The following RELN variants were observed in gnomAD, a reference collection of about 807,000 sequenced individuals.
RELN encodes the protein reelin.
A neutral mutation model predicts 427.6 loss-of-function variants in RELN; 108 were observed. The ratio of observed to expected loss-of-function variants is 0.25; its 90% CI spans 0.22 to 0.30. The LOEUF (loss-of-function observed/expected upper bound fraction) is 0.30, where lower values mean the gene tolerates loss of function less well. RELN is among the 10% of genes least tolerant of loss of function. The pLI, the probability that RELN is intolerant of heterozygous loss-of-function variation, is 1.00. For synonymous variants in RELN, 1,524 were observed against 1,513.4 expected (o/e 1.01, Z -0.16); for missense variants, 3,715 against 4,302.8 (o/e 0.86, Z 3.82).
intron 11 of RELN, among the ~76,000 whole-genome samples, chr7:103,662,848 A>G (rs1025742767): frequency 1.3e-5 from 2 of 152,098 alleles, no homozygotes; most frequent in Admixed American, 6.5e-5. Flanking sequence ...CCTTTGTTTA[A>G]AGTCTTTCAG....
At chr7:103,556,706 A>C (rs868076694) in intron 38 of RELN, among the ~76,000 whole-genome samples, 47 of 152,200 alleles carry the variant, frequency 3.1e-4, no homozygotes, top group African/African-American at 1.1e-3. Context: ...CATGTAAGAC[A>C]TGCCTTTTGC....
At chr7:103,684,135 G>A (rs1478096399) in intron 10 of RELN, among the ~76,000 whole-genome samples, 1 of 152,168 alleles carries the variant, frequency 6.6e-6, no homozygotes, top group Non-Finnish European at 1.5e-5. Flanking sequence ...GGTGTACTGA[G>A]TCTCCATTTC....
chr7:103,869,920 C>A (rs1794288731), intron 2 of RELN, among the ~76,000 whole-genome samples: 1 of 152,114 alleles, frequency 6.6e-6, no homozygotes, highest in South Asian at 2.1e-4. Flanking sequence ...TCCCTGAAGT[C>A]TTTCTTCAAA....
intron 16 of RELN, among the ~76,000 whole-genome samples, chr7:103,645,559 T>C (rs1379572079): frequency 6.6e-6 from 1 of 151,806 alleles, no homozygotes; most frequent in African/African-American, 2.4e-5. Context: ...AAAGGATCAA[T>C]TCAACAAGAA....
At chr7:103,814,808 T>C (rs1792830355) in intron 3 of RELN, among the ~76,000 whole-genome samples, 1 of 152,196 alleles carries the variant, frequency 6.6e-6, no homozygotes, top group South Asian at 2.1e-4. Context: ...TCCTCATTTT[T>C]AAAGTGAGAG....
chr7:103,879,162 G>C (rs756799731), intron 2 of RELN, among the ~76,000 whole-genome samples: 1 of 152,160 alleles, frequency 6.6e-6, no homozygotes, highest in Non-Finnish European at 1.5e-5. Context: ...CCTAATCTCA[G>C]TTAATTACCT....
Position 103,907,235 on chromosome 7 carries a change from G to A in RELN, c.337+9840C>T, listed in dbSNP as rs372920701. ...GACTGAGACCATCCTGGACAACGTG[G>A]TGAAACCCCATCTCTACTAAAAACA... On this transcript the variant is annotated intron_variant, in intron 2 of 64. Transcript: ENST00000428762. Among the ~76,000 whole-genome samples, 17 of 151,790 alleles carry A rather than the reference G, an allele frequency of 1.1e-4. No homozygotes were observed. The East Asian group carries it at 1.9e-3, about 17-fold the overall frequency.
chr7:103,495,135 C>T (rs10236643), intron 57 of RELN, among the ~76,000 whole-genome samples: 1,624 of 148,088 alleles, frequency 0.011, 29 homozygotes, highest in African/African-American at 0.038. Context: ...AAAGTAATTG[C>T]GGTTTTTGCC....
At position 103,953,129 on chromosome 7, in the gene RELN, T is replaced by G. The variant is rs986884578; in HGVS notation, c.227-35944A>C. Among the ~76,000 whole-genome samples, 1 of 152,156 alleles carries G rather than the reference T, an allele frequency of 6.6e-6. No individual in the cohort carries two copies. The highest frequency in any genetic ancestry group is 2.4e-5 in the African/African-American group (1 of 41,432). The stretch of plus-strand genomic sequence containing the variant: ...TTCAAGCTCCAAGATTCCTGCTCAC[T>G]TCAAAGAGATATTTGCTCCAAGATC... On this transcript the variant is annotated intron_variant, in intron 1 of 64. Coordinates refer to ENST00000428762, the MANE Select transcript of RELN (RefSeq NM_005045.4). This position sits in a 1 kb window ranked among gnomAD's most constrained non-coding sequence, Gnocchi z 4.3.
chr7:103,528,718 G>A (rs1410336294), intron 46 of RELN, among the ~76,000 whole-genome samples: 1 of 151,414 alleles, frequency 6.6e-6, no homozygotes, highest in Non-Finnish European at 1.5e-5. Context: ...TAGTAGAGAC[G>A]GGGTTTCACC....
intron 2 of RELN, among the ~76,000 whole-genome samples, chr7:103,888,124 C>T (rs1383515488): frequency 6.6e-6 from 1 of 152,110 alleles, no homozygotes; most frequent in African/African-American, 2.4e-5. Flanking sequence ...AGTTCTAACT[C>T]ATCCTCCAGT....
chr7:103,892,097 C>T (rs1433144155), intron 2 of RELN, among the ~76,000 whole-genome samples: 1 of 152,212 alleles, frequency 6.6e-6, no homozygotes, highest in Non-Finnish European at 1.5e-5. Flanking sequence ...CTATTTTTCA[C>T]TCATATTCCA....
chr7:103,476,754 G>T, intron 64 of RELN: 2 of 391,324 alleles, frequency 5.1e-6, no homozygotes, highest in South Asian at 2.1e-5. Context: ...GGGAATTAGG[G>T]GAATTTTTAA....
Position 103,472,614 on chromosome 7 carries a change from T to C in RELN, c.*198A>G. 1.7e-6 allele frequency: 1 copy of C among 577,788 alleles called. No homozygotes were observed. Among genetic ancestry groups the C allele is most frequent in the Non-Finnish European group, 3.1e-6 (1 of 320,628 alleles). 35.8% of individuals were successfully genotyped at this position (577,788 alleles called of 1,614,324 possible). A position where few individuals can be genotyped will look rare whatever the true frequency, so the allele number is the denominator to read the frequency against. On this transcript the variant is annotated 3_prime_UTR_variant, in exon 65 of 65. Coordinates refer to ENST00000428762, the MANE Select transcript of RELN (RefSeq NM_005045.4). Reference sequence around the variant, plus strand: ...TCACGGACACATCAACATGAAGACATTTACTTATGAGCAAATAAGTCACTT... The same window carrying C: ...TCACGGACACATCAACATGAAGACACTTACTTATGAGCAAATAAGTCACTT...
chr7:103,576,391 C>T (rs1425411936), intron 28 of RELN, among the ~76,000 whole-genome samples: 2 of 152,182 alleles, frequency 1.3e-5, no homozygotes, highest in Non-Finnish European at 2.9e-5. Flanking sequence ...CTGCCCGCCT[C>T]AGCCTCCCAA....
chr7:103,866,369 G>A (rs1794197327), intron 2 of RELN, among the ~76,000 whole-genome samples: 1 of 152,074 alleles, frequency 6.6e-6, no homozygotes, highest in Admixed American at 6.6e-5. Context: ...AAGCTAAGGT[G>A]CAGTTTGAGG....
At chr7:103,747,270 C>T (rs495374) in intron 6 of RELN, among the ~76,000 whole-genome samples, 6 of 140,866 alleles carry the variant, frequency 4.3e-5, no homozygotes, top group Admixed American at 7.1e-5. Flanking sequence ...TTGTGGGGTG[C>T]GGGGAGGGGA....
intron 22 of RELN, among the ~76,000 whole-genome samples, chr7:103,608,989 A>C (rs774664381): frequency 1.3e-5 from 2 of 152,096 alleles, no homozygotes; most frequent in Non-Finnish European, 2.9e-5. Context: ...TTGGGAGGTC[A>C]AGGTGGGTGG....
intron 3 of RELN, among the ~76,000 whole-genome samples, chr7:103,807,937 C>G (rs999694546): frequency 6.6e-6 from 1 of 152,076 alleles, no homozygotes; most frequent in African/African-American, 2.4e-5. Flanking sequence ...TAAGTTTATT[C>G]TCCAGAGACA....
Sources: allele counts gnomAD v4.1 joint callset (sites outside exome capture counted in the v4.1 genomes callset), GRCh38; gene constraint gnomAD v4.1.1; non-coding constraint Gnocchi (gnomAD v3.1); transcripts MANE v1.5; gene names NCBI Gene and HGNC (gene_info 2026-07-23, HGNC 2026-07-21).